SIM2: variants seen among roughly 807,000 people sequenced by gnomAD.
SIM2 encodes SIM bHLH transcription factor 2.
In SIM2, 28 loss-of-function variants were observed where a neutral mutation model predicts 64.8. The observed-to-expected ratio is 0.43, with a 90% confidence interval of 0.32 to 0.59. The LOEUF is 0.59. Ranked by LOEUF, SIM2 falls within the 20% of genes least tolerant of loss-of-function variation. The pLI is 0.07. For synonymous variants in SIM2, 408 were observed against 391.1 expected, an observed-to-expected ratio of 1.04 and a Z score of -0.51; for missense variants, 847 against 871.4, an observed-to-expected ratio of 0.97 and a Z score of 0.35.
intron 8 of SIM2, among the ~76,000 whole-genome samples, chr21:36,742,949 A>G (rs1601059745): frequency 1.3e-5 from 2 of 152,302 alleles, no homozygotes; most frequent in African/African-American, 4.8e-5. Context: ...GAGAATGCAC[A>G]AAGCTGGTGG....
At chr21:36,738,710 A>G (rs2089110005) in intron 7 of SIM2, among the ~76,000 whole-genome samples, 1 of 152,216 alleles carries the variant, frequency 6.6e-6, no homozygotes, top group African/African-American at 2.4e-5. Flanking sequence ...TAGTGGGGGT[A>G]GAATGAGGCA....
At chr21:36,737,982 A>AAAAAAAAAAAAAAAAAAAAAAAAAAAAG (rs2089095780) in intron 7 of SIM2, among the ~76,000 whole-genome samples, 2 of 88,790 alleles carry the variant, frequency 2.3e-5, no homozygotes, top group African/African-American at 3.4e-5. Context: ...AAAAAAAAAA[A>AAAAAAAAAAAAAAAAAAAAAAAAAAAAG]GCAAAAAAAA....
intron 2 of SIM2, 36 bp downstream of exon 2, chr21:36,709,286 C>G (rs777809822): frequency 2.0e-6 from 3 of 1,509,960 alleles, no homozygotes; most frequent in East Asian, 4.7e-5. Flanking sequence ...GCGCAGCCGC[C>G]GCAGGCTCCC....
At chr21:36,723,467 G>A (rs1025882282) in intron 5 of SIM2, among the ~76,000 whole-genome samples, 3 of 152,222 alleles carry the variant, frequency 2.0e-5, no homozygotes, top group Admixed American at 6.5e-5. Flanking sequence ...GCACAGTGCA[G>A]CTGGCAGTGG....
At chr21:36,736,837 TTCTC>T (rs747719274) in intron 7 of SIM2, among the ~76,000 whole-genome samples, 9,413 of 122,040 alleles carry the variant, frequency 0.077, 833 homozygotes, top group African/African-American at 0.23. Flanking sequence ...TCTTCTTTCT[TTCTC>T]TTTCTTTTCT....
At chr21:36,711,221 G>C (rs1457781960) in intron 2 of SIM2, among the ~76,000 whole-genome samples, 1 of 152,208 alleles carries the variant, frequency 6.6e-6, no homozygotes, top group East Asian at 1.9e-4. Context: ...ATGGCTGGTT[G>C]TGAGATACTT....
intron 1 of SIM2, among the ~76,000 whole-genome samples, chr21:36,706,802 A>G (rs2088590821): frequency 1.3e-5 from 2 of 152,188 alleles, no homozygotes; most frequent in Admixed American, 1.3e-4. Context: ...CCAGGTGGGA[A>G]AGGGACGTTT....
intron 7 of SIM2, among the ~76,000 whole-genome samples, chr21:36,732,795 C>G (rs1345827286): frequency 6.6e-6 from 1 of 152,192 alleles, no homozygotes; most frequent in Non-Finnish European, 1.5e-5. Flanking sequence ...AGAAAGTTTT[C>G]TTGAGCAAAC....
chr21:36,739,891 C>T (rs1389373050), intron 7 of SIM2, among the ~76,000 whole-genome samples: 1 of 102,958 alleles, frequency 9.7e-6, no homozygotes, highest in African/African-American at 3.8e-5. Context: ...AGGAGAATTG[C>T]TTGAACCCAG....
chr21:36,740,009 GAGAAAGAAAGAA>G (rs71840582), intron 7 of SIM2, among the ~76,000 whole-genome samples: 7,454 of 131,190 alleles, frequency 0.057, 270 homozygotes, highest in East Asian at 0.14. Flanking sequence ...GAAAGAAAGA[GAGAAAGAAAGAA>G]AGAAAGAAAG....
At chr21:36,742,477 C>A (rs896253215) in intron 8 of SIM2, among the ~76,000 whole-genome samples, 1 of 150,214 alleles carries the variant, frequency 6.7e-6, no homozygotes, top group African/African-American at 2.5e-5. Flanking sequence ...GAGCTGGTCT[C>A]GAACTCCTGG....
intron 1 of SIM2, among the ~76,000 whole-genome samples, chr21:36,704,768 G>A (rs572393994): frequency 2.0e-5 from 3 of 152,210 alleles, no homozygotes; most frequent in Non-Finnish European, 2.9e-5. Context: ...GCGACAAGCC[G>A]GGCCAGGCTA....
rs2070519 is a variant in SIM2 at position 36,741,697 on chromosome 21, C to A, written c.851-20C>A. On this transcript the variant is annotated intron_variant, in intron 7 of 10. Transcript: ENST00000290399. Reference sequence around the variant, plus strand: ...GGGCCTGCGAAGCGTCTGAGGACTCCTGTCACCTTGTGCTTGCAGTGTTGG... The same window carrying A: ...GGGCCTGCGAAGCGTCTGAGGACTCATGTCACCTTGTGCTTGCAGTGTTGG... 1,068,969 of 1,609,378 alleles carry A rather than the reference C, an allele frequency of 0.66. 362,958 individuals carry two copies. Among genetic ancestry groups the A allele is most frequent in the Middle Eastern group, 0.71 (3,680 of 5,158 alleles).
intron 1 of SIM2, among the ~76,000 whole-genome samples, chr21:36,705,476 G>A (rs2088567757): frequency 1.3e-5 from 2 of 152,240 alleles, no homozygotes; most frequent in South Asian, 2.1e-4. Context: ...GCAGGGAAGG[G>A]GTGGGAAAGC....
chr21:36,726,085 G>A lies in SIM2; in HGVS notation c.544-34G>A, dbSNP rs1471318336. On this transcript the variant is annotated intron_variant, in intron 5 of 10. Coordinates refer to ENST00000290399, the MANE Select transcript of SIM2 (RefSeq NM_005069.6). The surrounding 1 kb of genome is among the most constrained non-coding windows in gnomAD (Gnocchi z 4.5). The stretch of plus-strand genomic sequence containing the variant: ...GAGTGGGCTCCAGCCCAACCCCAGT[G>A]GCCAGTGGCTGACCCTGCCCTCTCC... 1.9e-6 allele frequency: 3 copies of A among 1,580,850 alleles called. No homozygotes were observed. The highest frequency in any genetic ancestry group is 1.3e-5 in the African/African-American group (1 of 74,338).
intron 5 of SIM2, among the ~76,000 whole-genome samples, chr21:36,725,008 A>G (rs1309124784): frequency 4.6e-5 from 7 of 152,230 alleles, no homozygotes; most frequent in Non-Finnish European, 8.8e-5. Flanking sequence ...ATCTTGAATT[A>G]TAAATAAAGG....
intron 2 of SIM2, among the ~76,000 whole-genome samples, chr21:36,711,837 T>C (rs995583311): frequency 1.3e-5 from 2 of 152,262 alleles, no homozygotes; most frequent in East Asian, 3.8e-4. Flanking sequence ...TTACCTCTTA[T>C]AGTTTTACTT....
In SIM2 at chr21:36,747,524, C is replaced by CT. The variant is rs528917076; in HGVS notation, c.1577-140dup. 5.5e-4 allele frequency: 241 copies of CT among 434,602 alleles called. 5 individuals are homozygous for CT. In the East Asian group the frequency reaches 0.011, roughly 19 times the overall value. 26.9% of individuals were successfully genotyped at this position (434,602 alleles called of 1,614,324 possible). On this transcript the variant is annotated intron_variant, in intron 10 of 10. Transcript: ENST00000290399. This position sits in a 1 kb window ranked among gnomAD's most constrained non-coding sequence, Gnocchi z 4.5. The stretch of plus-strand genomic sequence containing the variant: ...CTGAGATTGGACAGCACGGCCTAGA[C>CT]TAAGGCGGGGGAGGGCGACAGCGAC...
At chr21:36,741,991 CTTTTTT>C (rs1234371875) in intron 8 of SIM2, 127 bp downstream of exon 8, 12 of 1,068,794 alleles carry the variant, frequency 1.1e-5, no homozygotes, top group Non-Finnish European at 1.5e-5. Context: ...TGTTTTTTTT[CTTTTTT>C]TTAATTTTTT....
Sources: gnomAD v4.1 joint callset for allele counts (sites outside exome capture counted in the v4.1 genomes callset) on GRCh38, gnomAD v4.1.1 for gene constraint, Gnocchi (gnomAD v3.1) non-coding constraint, MANE v1.5 for transcripts, NCBI Gene and HGNC (gene_info 2026-07-23, HGNC 2026-07-21) for gene names.